The following IGF2BP2 variants were observed in gnomAD, a reference collection of about 807,000 sequenced individuals.
The protein encoded by IGF2BP2 is insulin like growth factor 2 mRNA binding protein 2, also known as insulin-like growth factor 2 mRNA-binding protein 2.
Under a neutral mutation model 75.8 loss-of-function variants are expected in IGF2BP2, and 17 were observed. The observed-to-expected ratio is 0.22, with a 90% CI of 0.15 to 0.34. IGF2BP2 has a LOEUF of 0.34. Ranked by LOEUF, IGF2BP2 falls within the 10% of genes least tolerant of loss-of-function variation. IGF2BP2 has a pLI of 1.00. For missense variants in IGF2BP2, 516 were observed against 772.4 expected, an observed-to-expected ratio of 0.67 and a Z score of 3.93; for synonymous variants, 288 against 295.6, an observed-to-expected ratio of 0.97 and a Z score of 0.26.
At chr3:185,811,075 C>T (rs1024448808) in intron 2 of IGF2BP2, among the ~76,000 whole-genome samples, 3 of 152,028 alleles carry the variant, frequency 2.0e-5, no homozygotes, top group East Asian at 3.9e-4. Context: ...ACATATTCTA[C>T]ATTTACAAAA....
At chr3:185,710,377 C>T (rs1334384009) in intron 2 of IGF2BP2, among the ~76,000 whole-genome samples, 2 of 152,072 alleles carry the variant, frequency 1.3e-5, no homozygotes, top group African/African-American at 4.8e-5. Flanking sequence ...TCCCAACACG[C>T]AGAGTCTGCC....
intron 2 of IGF2BP2, among the ~76,000 whole-genome samples, chr3:185,744,935 C>T (rs963626908): frequency 9.2e-5 from 14 of 152,142 alleles, no homozygotes; most frequent in African/African-American, 3.4e-4. Context: ...GTTTTTTTAA[C>T]CAATTCCCAA....
At chr3:185,794,532 T>C (rs1028773124) in intron 2 of IGF2BP2, among the ~76,000 whole-genome samples, 1 of 152,136 alleles carries the variant, frequency 6.6e-6, no homozygotes, top group Non-Finnish European at 1.5e-5. Flanking sequence ...TTCCTTACCC[T>C]AGACTTTACC....
rs555097481 is a variant in IGF2BP2 at position 185,716,476 on chromosome 3, G to A, written c.240-18129C>T. 136 of 519,840 alleles carry A rather than the reference G, an allele frequency of 2.6e-4. 1 individual carries two copies. Among genetic ancestry groups the A allele is most frequent in the South Asian group, 1.9e-3 (135 of 71,532 alleles). The allele number at this position is 519,840 out of a possible 1,614,324, so 32.2% of individuals were successfully genotyped here. A position where few individuals can be genotyped will look rare whatever the true frequency, so the allele number is the denominator to read the frequency against. On this transcript the variant is annotated intron_variant, in intron 2 of 15. Transcript: ENST00000382199. ...GAAAATCTCAGAGGTCTCTTCTTAT[G>A]TCTCTGCTAACAATAAAAAGAACAG...
At chr3:185,713,729 C>A (rs1725170394) in intron 2 of IGF2BP2, among the ~76,000 whole-genome samples, 1 of 152,142 alleles carries the variant, frequency 6.6e-6, no homozygotes, top group African/African-American at 2.4e-5. Flanking sequence ...GAGATGGACT[C>A]CTGCTCTGTT....
At position 185,652,158 on chromosome 3, in the gene IGF2BP2, G is replaced by A. The variant is rs751050074; in HGVS notation, c.1397C>T (p.Ala466Val). ...CCTTTCGCTGACGTCTGGGCCTTCC[G>A]CAGGGGCAATCTGTGGTTCACAGGA... ...FAGASIKIAP[A>V]EGPDVSERMV... Residue 466 changes from alanine to valine, a missense_variant, in exon 13 of 16, where the codon GCG (alanine) becomes GTG (valine). This residue lies in a region of IGF2BP2 where 129 missense variants were observed against 230.5 expected (regional missense o/e 0.56). Coordinates refer to ENST00000382199, the MANE Select transcript of IGF2BP2 (RefSeq NM_006548.6). 16 of 1,611,844 alleles carry A rather than the reference G, an allele frequency of 9.9e-6. No homozygotes were observed. Among genetic ancestry groups the A allele is most frequent in the South Asian group, 2.2e-5 (2 of 90,746 alleles).
intron 7 of IGF2BP2, among the ~76,000 whole-genome samples, chr3:185,676,812 G>GAT (rs201296916): frequency 7.3e-4 from 82 of 112,820 alleles, no homozygotes; most frequent in Admixed American, 1.6e-3. Flanking sequence ...ATTTACTGGA[G>GAT]ATATATATAT....
intron 2 of IGF2BP2, among the ~76,000 whole-genome samples, chr3:185,789,315 C>G (rs1281636316): frequency 6.6e-6 from 1 of 152,174 alleles, no homozygotes; most frequent in African/African-American, 2.4e-5. Context: ...GTGACACAAG[C>G]TGAGCCTATC....
intron 2 of IGF2BP2, among the ~76,000 whole-genome samples, chr3:185,709,445 T>C (rs1401687933): frequency 6.6e-6 from 1 of 152,208 alleles, no homozygotes; most frequent in East Asian, 1.9e-4. Context: ...GGCGCTGGCT[T>C]CTTTTTCCTG....
At chr3:185,707,470 G>A (rs891669835) in intron 2 of IGF2BP2, among the ~76,000 whole-genome samples, 3 of 151,418 alleles carry the variant, frequency 2.0e-5, no homozygotes, top group African/African-American at 4.9e-5. Flanking sequence ...TACCATGCCC[G>A]GCTAATTTTT....
In IGF2BP2 at chr3:185,689,427, G is replaced by A. The variant is rs1288653166; in HGVS notation, c.605C>T (p.Thr202Ile). 2 of 1,614,070 alleles carry A rather than the reference G, an allele frequency of 1.2e-6. No individual in the cohort carries two copies. The highest frequency in any genetic ancestry group is 4.5e-5 in the East Asian group (2 of 44,874). Residue 202 changes from threonine (T) to isoleucine (I), a missense_variant, in exon 6 of 16, where the codon ACC becomes ATC. Transcript: ENST00000382199. Reference protein sequence around the residue: ...IDFPLRILVPTQFVGAIIGKE... With the variant: ...IDFPLRILVPIQFVGAIIGKE... ...TCCGATGATGGCACCAACAAACTGGGTGGGGACCAGGATCCGCAGCGGGAA... is the reference window on the plus strand; with the variant it reads ...TCCGATGATGGCACCAACAAACTGGATGGGGACCAGGATCCGCAGCGGGAA...
At chr3:185,795,354 T>C (rs75402647) in intron 2 of IGF2BP2, among the ~76,000 whole-genome samples, 4,969 of 152,328 alleles carry the variant, frequency 0.033, 123 homozygotes, top group South Asian at 0.055. Flanking sequence ...CATACCACAT[T>C]TGTTTCTCCA....
intron 2 of IGF2BP2, among the ~76,000 whole-genome samples, chr3:185,759,613 G>GT (rs1263037712): frequency 6.6e-6 from 1 of 152,214 alleles, no homozygotes; most frequent in Non-Finnish European, 1.5e-5. Flanking sequence ...CCATGCAGCA[G>GT]TATCTGAGAA....
intron 2 of IGF2BP2, among the ~76,000 whole-genome samples, chr3:185,747,895 G>A: frequency 6.6e-6 from 1 of 150,562 alleles, no homozygotes; most frequent in East Asian, 1.9e-4. Context: ...TCGCTCTGTT[G>A]CCCCGGCTGG....
At chr3:185,734,520 G>A (rs1336926753) in intron 2 of IGF2BP2, among the ~76,000 whole-genome samples, 2 of 152,226 alleles carry the variant, frequency 1.3e-5, no homozygotes, top group East Asian at 3.8e-4. Flanking sequence ...GGGCAGATGA[G>A]AAACTGCTCA....
chr3:185,743,160 C>G (rs1224990504), intron 2 of IGF2BP2, among the ~76,000 whole-genome samples: 1 of 140,232 alleles, frequency 7.1e-6, no homozygotes, highest in African/African-American at 2.9e-5. Flanking sequence ...AAAATTCATA[C>G]TAATAATTAC....
chr3:185,762,059 T>C (rs966272014), intron 2 of IGF2BP2, among the ~76,000 whole-genome samples: 3 of 152,028 alleles, frequency 2.0e-5, no homozygotes, highest in Non-Finnish European at 4.4e-5. Context: ...TTTGTTAGTG[T>C]TGGGTGGTGT....
At chr3:185,651,081 A>G (rs1483946987) in intron 13 of IGF2BP2, among the ~76,000 whole-genome samples, 1 of 151,848 alleles carries the variant, frequency 6.6e-6, no homozygotes, top group Non-Finnish European at 1.5e-5. Flanking sequence ...GCTACTTTAA[A>G]ATTTTTTTTG....
intron 1 of IGF2BP2, 78 bp downstream of exon 1, chr3:185,824,705 C>T: frequency 8.8e-7 from 1 of 1,134,538 alleles, no homozygotes; most frequent in Non-Finnish European, 1.1e-6. Flanking sequence ...CGCCGCCCGC[C>T]GGACTCGGCC....
Sources: gnomAD v4.1 joint callset for allele counts (sites outside exome capture counted in the v4.1 genomes callset) on GRCh38, gnomAD v4.1.1 for gene constraint, gnomAD v4.1.1 regional missense constraint, MANE v1.5 for transcripts, NCBI Gene and HGNC (gene_info 2026-07-23, HGNC 2026-07-21) for gene names.